The following FHIT variants were observed in gnomAD, a reference collection of about 807,000 sequenced individuals.
FHIT encodes bis(5'-adenosyl)-triphosphatase.
Under a neutral mutation model 17.9 loss-of-function variants are expected in FHIT, and 19 were observed. That is an observed-to-expected ratio of 1.06 (90% CI 0.74 to 1.56). The LOEUF is 1.56. FHIT is among the 40% of genes most tolerant of loss of function. The pLI, the probability that FHIT is intolerant of heterozygous loss-of-function variation, is 0.00. For synonymous variants in FHIT, 81 were observed against 69.7 expected, an observed-to-expected ratio of 1.16 and a Z score of -0.81; for missense variants, 248 against 189.2, an observed-to-expected ratio of 1.31 and a Z score of -1.82.
chr3:60,546,608 G>T (rs577125453), intron 4 of FHIT, among the ~76,000 whole-genome samples: 3 of 152,176 alleles, frequency 2.0e-5, no homozygotes, highest in African/African-American at 7.2e-5. Flanking sequence ...CCTTCTCACA[G>T]GCAGCTGTGG....
Position 60,961,448 on chromosome 3 carries a change from T to C in FHIT, c.-111+80599A>G, listed in dbSNP as rs1553780787. Among the ~76,000 whole-genome samples, 3 of 152,356 alleles carry C rather than the reference T, an allele frequency of 2.0e-5. No homozygotes were observed. The East Asian group carries it at 5.8e-4, about 29-fold the overall frequency. Reference sequence around the variant, plus strand: ...CTTTAGTTTAATTAGATCCCATTTGTCAATTTTGGCTTTTGTTGCCATTGC... The same window carrying C: ...CTTTAGTTTAATTAGATCCCATTTGCCAATTTTGGCTTTTGTTGCCATTGC... On this transcript the variant is annotated intron_variant, in intron 3 of 9. Transcript: ENST00000492590.
chr3:59,900,224 C>T (rs1323475244), intron 8 of FHIT, among the ~76,000 whole-genome samples: 1 of 152,136 alleles, frequency 6.6e-6, no homozygotes, highest in Admixed American at 6.5e-5. Flanking sequence ...TTCTTGGTGG[C>T]TCCAGCCCCA....
At chr3:60,944,252 T>G (rs1287392773) in intron 3 of FHIT, among the ~76,000 whole-genome samples, 2 of 152,200 alleles carry the variant, frequency 1.3e-5, no homozygotes, top group Non-Finnish European at 2.9e-5. Flanking sequence ...TTTTATGGTT[T>G]TATTCCAATT....
intron 8 of FHIT, among the ~76,000 whole-genome samples, chr3:59,845,979 G>C (rs373958813): frequency 6.6e-6 from 1 of 152,008 alleles, no homozygotes; most frequent in African/African-American, 2.4e-5. Flanking sequence ...TGCATCACTG[G>C]TTCTAAAGTA....
chr3:61,012,756 T>A (rs915836503), intron 3 of FHIT, among the ~76,000 whole-genome samples: 1 of 151,610 alleles, frequency 6.6e-6, no homozygotes, highest in African/African-American at 2.4e-5. Context: ...GTGCTAATAA[T>A]AGTGATAAAA....
At chr3:60,633,632 T>C (rs993649997) in intron 4 of FHIT, among the ~76,000 whole-genome samples, 1 of 152,004 alleles carries the variant, frequency 6.6e-6, no homozygotes, top group African/African-American at 2.4e-5. Flanking sequence ...GCGATGACTG[T>C]GTCTGTCATC....
At chr3:60,276,529 T>C (rs1033027708) in intron 5 of FHIT, among the ~76,000 whole-genome samples, 1 of 152,162 alleles carries the variant, frequency 6.6e-6, no homozygotes, top group Non-Finnish European at 1.5e-5. Context: ...GATGCCTCAA[T>C]AGTGTTTGTG....
chr3:60,217,723 C>G (rs963392567), intron 5 of FHIT, among the ~76,000 whole-genome samples: 1 of 152,140 alleles, frequency 6.6e-6, no homozygotes, highest in Admixed American at 6.6e-5. Context: ...CCTCCATTAT[C>G]CAAATGCATC....
chr3:59,954,221 G>GTTTT (rs5849313), intron 7 of FHIT, among the ~76,000 whole-genome samples: 19,856 of 120,512 alleles, frequency 0.16, 2,274 homozygotes, highest in African/African-American at 0.24. Context: ...ATTTTGTTCT[G>GTTTT]TTTTTTTTTC....
At chr3:60,643,004 T>C (rs188170908) in intron 4 of FHIT, among the ~76,000 whole-genome samples, 1 of 152,344 alleles carries the variant, frequency 6.6e-6, no homozygotes, top group East Asian at 1.9e-4. Flanking sequence ...TTGGTATGGC[T>C]GTTTGATATT....
chr3:61,039,156 G>C (rs2033388844), intron 3 of FHIT, among the ~76,000 whole-genome samples: 1 of 152,154 alleles, frequency 6.6e-6, no homozygotes, highest in African/African-American at 2.4e-5. Flanking sequence ...CCAAGATACT[G>C]ATGTAATCAT....
At chr3:60,186,719 T>G (rs1374917386) in intron 5 of FHIT, among the ~76,000 whole-genome samples, 1 of 151,982 alleles carries the variant, frequency 6.6e-6, no homozygotes, top group Non-Finnish European at 1.5e-5. Flanking sequence ...TTGATAAAGC[T>G]AAGGTTGGGA....
chr3:61,013,604 C>CA (rs2031916924), intron 3 of FHIT, among the ~76,000 whole-genome samples: 2 of 150,620 alleles, frequency 1.3e-5, no homozygotes, highest in East Asian at 1.9e-4. Flanking sequence ...TCCAACAAGG[C>CA]AAAAAAGGAA....
chr3:60,721,952 G>A (rs2041818104), intron 4 of FHIT, among the ~76,000 whole-genome samples: 1 of 152,112 alleles, frequency 6.6e-6, no homozygotes, highest in Admixed American at 6.5e-5. Context: ...CAATCTGATG[G>A]TGTTAGACAT....
Position 60,293,097 on chromosome 3 carries a change from G to A in FHIT, c.103+243763C>T, listed in dbSNP as rs148972827. 3.9e-5 allele frequency among the ~76,000 whole-genome samples: 6 copies of A among 152,162 alleles called. No homozygotes were observed. In the East Asian group the frequency reaches 7.7e-4, roughly 20 times the overall value. Reference sequence around the variant, plus strand: ...CATAAAAATGTCTTTGAAAACATACGTAATCTAGAGATGATGTTCAAATAT... The same window carrying A: ...CATAAAAATGTCTTTGAAAACATACATAATCTAGAGATGATGTTCAAATAT... On this transcript the variant is annotated intron_variant, in intron 5 of 9. Transcript: ENST00000492590.
At chr3:61,228,817 A>G (rs1447053396) in intron 1 of FHIT, among the ~76,000 whole-genome samples, 1 of 152,222 alleles carries the variant, frequency 6.6e-6, no homozygotes, top group Non-Finnish European at 1.5e-5. Flanking sequence ...AAGCAATGGG[A>G]GACAGCAAAA....
chr3:59,794,431 C>T (rs1019636147), intron 8 of FHIT, among the ~76,000 whole-genome samples: 1 of 152,190 alleles, frequency 6.6e-6, no homozygotes, highest in Admixed American at 6.5e-5. Flanking sequence ...GTGGGTTTTC[C>T]TCCATTGCTA....
chr3:60,504,546 A>G (rs2034652202), intron 5 of FHIT, among the ~76,000 whole-genome samples: 1 of 152,204 alleles, frequency 6.6e-6, no homozygotes, highest in African/African-American at 2.4e-5. Context: ...ATATAATTGT[A>G]TAACATAGTA....
chr3:61,204,956 T>C (rs548168329), intron 1 of FHIT, among the ~76,000 whole-genome samples: 36 of 151,352 alleles, frequency 2.4e-4, no homozygotes, highest in African/African-American at 7.5e-4. Context: ...GTATATCTCC[T>C]AATGCCATCC....
Sources: allele counts gnomAD v4.1 joint callset (sites outside exome capture counted in the v4.1 genomes callset), GRCh38; gene constraint gnomAD v4.1.1; transcripts MANE v1.5; gene names NCBI Gene and HGNC (gene_info 2026-07-23, HGNC 2026-07-21).